AKT3: variants seen among roughly 807,000 people sequenced by gnomAD.
AKT3 encodes the protein RAC-gamma serine/threonine-protein kinase.
AKT3 carries 15 observed loss-of-function variants against 65.3 expected under a neutral mutation model. The ratio of observed to expected loss-of-function variants is 0.23; its 90% CI spans 0.15 to 0.35. The LOEUF (loss-of-function observed/expected upper bound fraction) is 0.35. AKT3 is among the 10% of genes least tolerant of loss of function. The probability of loss-of-function intolerance (pLI) is 1.00; values close to 1 mark genes in which losing one functional copy is unlikely to be tolerated. For synonymous variants in AKT3, 206 were observed against 183.8 expected (o/e 1.12, Z -0.98); for missense variants, 243 against 576.5 (o/e 0.42, Z 5.92).
Position 243,818,626 on chromosome 1 carries a change from T to A in AKT3, c.46+24499A>T, listed in dbSNP as rs147500795. Among the ~76,000 whole-genome samples the A allele has an allele frequency of 3.5e-3, 530 of 152,232 alleles. 1 individual carries two copies. The highest frequency in any genetic ancestry group is 6.8e-3 in the Middle Eastern group (2 of 294). On this transcript the variant is annotated intron_variant, in intron 2 of 13. Transcript: ENST00000673466. ...ACTTAACATAAAGTTTACCCAACAA[T>A]TGATGAAAACAATTAAGACTTAAAT...
At chr1:243,558,574 G>C (rs2148477823) in intron 10 of AKT3, among the ~76,000 whole-genome samples, 1 of 152,152 alleles carries the variant, frequency 6.6e-6, no homozygotes. Context: ...AATAAAATTA[G>C]ATGCATTTTT....
intron 12 of AKT3, among the ~76,000 whole-genome samples, chr1:243,532,841 T>C (rs2148416878): frequency 6.6e-6 from 1 of 152,340 alleles, no homozygotes. Flanking sequence ...TTACGGGGTC[T>C]ATTTGGATTT....
intron 3 of AKT3, among the ~76,000 whole-genome samples, chr1:243,692,641 G>A (rs1347372116): frequency 1.3e-5 from 2 of 152,128 alleles, no homozygotes; most frequent in Non-Finnish European, 2.9e-5. Flanking sequence ...GGGAGGCTGA[G>A]GCAGGAGAAT....
At chr1:243,719,088 C>T (rs908129419) in intron 2 of AKT3, among the ~76,000 whole-genome samples, 1 of 152,266 alleles carries the variant, frequency 6.6e-6, no homozygotes, top group Non-Finnish European at 1.5e-5. Context: ...GTATGCAGTT[C>T]TATTCATTTA....
chr1:243,687,033 G>T (rs1410718427), intron 3 of AKT3, among the ~76,000 whole-genome samples: 1 of 151,950 alleles, frequency 6.6e-6, no homozygotes, highest in African/African-American at 2.4e-5. Context: ...GTTCAAAGAT[G>T]AGCAAAATGA....
chr1:243,627,229 C>G (rs1215919051), intron 6 of AKT3, among the ~76,000 whole-genome samples: 1 of 151,994 alleles, frequency 6.6e-6, no homozygotes, highest in Non-Finnish European at 1.5e-5. Flanking sequence ...CATAGTGGCT[C>G]ACACCTGTAA....
intron 2 of AKT3, chr1:243,740,958 G>C (rs1392865139): frequency 6.6e-6 from 1 of 152,088 alleles, no homozygotes; most frequent in Non-Finnish European, 1.5e-5. Flanking sequence ...TTAAGTTCTA[G>C]GGTATAAAAT....
chr1:243,758,423 A>C (rs74151214), intron 2 of AKT3, among the ~76,000 whole-genome samples: 1,541 of 152,266 alleles, frequency 0.01, 20 homozygotes, highest in African/African-American at 0.035. Flanking sequence ...GCAAGGCTTT[A>C]AGATGGAAAA....
intron 2 of AKT3, among the ~76,000 whole-genome samples, chr1:243,705,718 C>G (rs1685755035): frequency 6.6e-6 from 1 of 152,088 alleles, no homozygotes; most frequent in Non-Finnish European, 1.5e-5. Context: ...TAAACGGTGA[C>G]TTTAGTTTAC....
intron 4 of AKT3, among the ~76,000 whole-genome samples, chr1:243,654,059 C>T (rs1256093014): frequency 6.6e-6 from 1 of 151,998 alleles, no homozygotes; most frequent in Non-Finnish European, 1.5e-5. Flanking sequence ...TTTACATGGT[C>T]CACTTATGTA....
At chr1:243,822,176 T>C (rs1693894828) in intron 2 of AKT3, among the ~76,000 whole-genome samples, 1 of 152,112 alleles carries the variant, frequency 6.6e-6, no homozygotes, top group Non-Finnish European at 1.5e-5. Flanking sequence ...CCTGAATGAC[T>C]CCTGGGTAAA....
intron 5 of AKT3, among the ~76,000 whole-genome samples, chr1:243,638,462 T>A (rs2043786347): frequency 6.6e-6 from 1 of 152,178 alleles, no homozygotes; most frequent in African/African-American, 2.4e-5. Context: ...TGTACTCTTT[T>A]CCTGCTCTGC....
chr1:243,692,304 T>C (rs1308928897), intron 3 of AKT3, among the ~76,000 whole-genome samples: 1 of 152,132 alleles, frequency 6.6e-6, no homozygotes, highest in Non-Finnish European at 1.5e-5. Flanking sequence ...GGAAGGAATA[T>C]CCTTATTCCT....
At chr1:243,787,074 A>T (rs1041352526) in intron 2 of AKT3, among the ~76,000 whole-genome samples, 2 of 152,130 alleles carry the variant, frequency 1.3e-5, no homozygotes, top group African/African-American at 4.8e-5. Context: ...AATCTAGAAA[A>T]CCTTGGTCCC....
At chr1:243,531,748 T>C (rs1408015959) in intron 12 of AKT3, among the ~76,000 whole-genome samples, 1 of 152,288 alleles carries the variant, frequency 6.6e-6, no homozygotes, top group East Asian at 1.9e-4. Flanking sequence ...TATATAAACA[T>C]GAGATGTCTT....
At chr1:243,831,667 C>G (rs2148449641) in intron 2 of AKT3, among the ~76,000 whole-genome samples, 1 of 152,198 alleles carries the variant, frequency 6.6e-6, no homozygotes, top group South Asian at 2.1e-4. Flanking sequence ...AGAGGTACAG[C>G]TTCTCTGCAT....
At chr1:243,509,672 C>A (rs1669900774) in intron 13 of AKT3, among the ~76,000 whole-genome samples, 1 of 152,134 alleles carries the variant, frequency 6.6e-6, no homozygotes, top group Non-Finnish European at 1.5e-5. Context: ...GGCCTATCAT[C>A]CCCCTAAATG....
chr1:243,697,832 G>A (rs550241840), intron 2 of AKT3, among the ~76,000 whole-genome samples: 68 of 152,066 alleles, frequency 4.5e-4, no homozygotes, highest in African/African-American at 1.6e-3. Flanking sequence ...TGTTTTCCTT[G>A]AGGTGATAAT....
chr1:243,807,989 AAACT>A (rs1692856175), intron 2 of AKT3: 1 of 152,320 alleles, frequency 6.6e-6, no homozygotes, highest in Non-Finnish European at 1.5e-5. Flanking sequence ...GTTAGAAGGA[AAACT>A]AACAAATAGA....
Sources: allele counts gnomAD v4.1 joint callset (sites outside exome capture counted in the v4.1 genomes callset), GRCh38; gene constraint gnomAD v4.1.1; transcripts MANE v1.5; gene names NCBI Gene and HGNC (gene_info 2026-07-23, HGNC 2026-07-21).